Variants in SCHIP1 observed in about 807,000 individuals in gnomAD.
The protein encoded by SCHIP1 is schwannomin-interacting protein 1.
A neutral mutation model predicts 29.7 loss-of-function variants in SCHIP1; 8 were observed. That is an observed-to-expected ratio of 0.27 (90% CI 0.16 to 0.49). The LOEUF (loss-of-function observed/expected upper bound fraction) is 0.49, where lower values mean the gene tolerates loss of function less well. Ranked by LOEUF, SCHIP1 falls within the 20% of genes least tolerant of loss-of-function variation. The probability of loss-of-function intolerance (pLI) is 0.99; values close to 1 mark genes in which losing one functional copy is unlikely to be tolerated. For synonymous variants in SCHIP1, 76 were observed against 94.9 expected, an observed-to-expected ratio of 0.80 and a Z score of 1.16; for missense variants, 193 against 294.6, an observed-to-expected ratio of 0.66 and a Z score of 2.52.
At chr3:159,307,969 A>G in the SCHIP1 span, among the ~76,000 whole-genome samples, 1 of 152,100 alleles carries the variant, frequency 6.6e-6, no homozygotes, top group Non-Finnish European at 1.5e-5. Flanking sequence ...TGTTTTGGTT[A>G]CGGTGGCTTT....
At chr3:159,553,755 T>C in the SCHIP1 span, among the ~76,000 whole-genome samples, 7 of 152,056 alleles carry the variant, frequency 4.6e-5, no homozygotes, top group East Asian at 1.4e-3. Flanking sequence ...GGATTACAGG[T>C]GTGAGCCACT....
the SCHIP1 span, among the ~76,000 whole-genome samples, chr3:159,460,532 T>A: frequency 6.6e-6 from 1 of 152,136 alleles, no homozygotes. Flanking sequence ...GGAAGCAGCA[T>A]ATATGAGGGC....
At chr3:159,556,677 C>CA in the SCHIP1 span, among the ~76,000 whole-genome samples, 1 of 147,430 alleles carries the variant, frequency 6.8e-6, no homozygotes, top group African/African-American at 2.5e-5. Flanking sequence ...GACAAAAAAC[C>CA]AAACACCGCT....
chr3:159,392,339 T>C, the SCHIP1 span, among the ~76,000 whole-genome samples: 32 of 152,300 alleles, frequency 2.1e-4, no homozygotes, highest in African/African-American at 7.2e-4. Flanking sequence ...ACTTTAAGTT[T>C]TAGGGTACAT....
chr3:159,371,051 GTC>G, the SCHIP1 span, among the ~76,000 whole-genome samples: 1 of 49,938 alleles, frequency 2.0e-5, no homozygotes, highest in Non-Finnish European at 4.3e-5. Context: ...CTTGTTTATT[GTC>G]TGTCTTTCCT....
chr3:159,406,080 TC>T, the SCHIP1 span, among the ~76,000 whole-genome samples: 18 of 151,490 alleles, frequency 1.2e-4, no homozygotes, highest in South Asian at 3.8e-3. Context: ...ACAAACAACT[TC>T]CTAAACCTAG....
the SCHIP1 span, among the ~76,000 whole-genome samples, chr3:159,492,624 A>C: frequency 6.6e-6 from 1 of 152,232 alleles, no homozygotes; most frequent in Non-Finnish European, 1.5e-5. Context: ...ACTACGTCTA[A>C]TTGCTGTACC....
chr3:159,376,745 GATTCTGGTACTTGCCCAC>G, the SCHIP1 span, among the ~76,000 whole-genome samples: 4 of 152,148 alleles, frequency 2.6e-5, no homozygotes, highest in Non-Finnish European at 4.4e-5. Flanking sequence ...AGCACACTGT[GATTCTGGTACTTGCCCAC>G]CTCCTGGCCA....
At chr3:159,632,162 A>G in the SCHIP1 span, among the ~76,000 whole-genome samples, 1 of 152,168 alleles carries the variant, frequency 6.6e-6, no homozygotes, top group East Asian at 1.9e-4. Context: ...GGACTAGAAA[A>G]ATGTGGCTAT....
At chr3:159,534,073 C>A in the SCHIP1 span, among the ~76,000 whole-genome samples, 1 of 152,126 alleles carries the variant, frequency 6.6e-6, no homozygotes, top group Admixed American at 6.5e-5. Flanking sequence ...GGGTAAAAGA[C>A]AACTGGACAA....
the SCHIP1 span, among the ~76,000 whole-genome samples, chr3:159,431,263 C>T: frequency 9.9e-5 from 15 of 151,670 alleles, no homozygotes; most frequent in East Asian, 3.9e-4. Context: ...GAGAGGCCAT[C>T]GGAAGTGTCC....
the SCHIP1 span, among the ~76,000 whole-genome samples, chr3:159,519,484 A>T: frequency 6.6e-6 from 1 of 152,196 alleles, no homozygotes; most frequent in African/African-American, 2.4e-5. Context: ...AAAGATTCCA[A>T]TGTAAGAATT....
chr3:159,515,922 A>C, the SCHIP1 span, among the ~76,000 whole-genome samples: 1 of 151,998 alleles, frequency 6.6e-6, no homozygotes, highest in East Asian at 1.9e-4. Context: ...ATAAATGAGA[A>C]AAATACATAG....
chr3:159,547,400 C>T, the SCHIP1 span, among the ~76,000 whole-genome samples: 1 of 152,180 alleles, frequency 6.6e-6, no homozygotes, highest in Non-Finnish European at 1.5e-5. Flanking sequence ...TTTTGCTGTG[C>T]AGAAGCTCTT....
chr3:159,589,233 G>T, the SCHIP1 span, among the ~76,000 whole-genome samples: 8 of 152,074 alleles, frequency 5.3e-5, no homozygotes, highest in Admixed American at 1.3e-4. Context: ...AGCAATTGTG[G>T]ATGCGAGTTC....
chr3:159,406,627 C>T, the SCHIP1 span, among the ~76,000 whole-genome samples: 1 of 152,158 alleles, frequency 6.6e-6, no homozygotes, highest in African/African-American at 2.4e-5. Flanking sequence ...AAACTAAACA[C>T]ATCTTGAATA....
chr3:159,740,927 A>G, the SCHIP1 span, among the ~76,000 whole-genome samples: 2 of 152,080 alleles, frequency 1.3e-5, no homozygotes, highest in African/African-American at 4.8e-5. Context: ...CTCTGAGTGG[A>G]TTTATAAGTT....
At chr3:159,893,598 ATTTCT>A (rs1453829702) in intron 6 of SCHIP1, 4 of 152,036 alleles carry the variant, frequency 2.6e-5, no homozygotes, top group African/African-American at 9.7e-5. Flanking sequence ...TAGTATTGTC[ATTTCT>A]TTTTTGGCAA....
chr3:159,770,280 G>T, the SCHIP1 span, among the ~76,000 whole-genome samples: 5 of 151,974 alleles, frequency 3.3e-5, no homozygotes, highest in African/African-American at 1.2e-4. Flanking sequence ...TATTTTTGGG[G>T]TGAAGTTTTG....
Sources: allele counts gnomAD v4.1 joint callset (sites outside exome capture counted in the v4.1 genomes callset), GRCh38; gene constraint gnomAD v4.1.1; transcripts MANE v1.5; gene names NCBI Gene and HGNC (gene_info 2026-07-23, HGNC 2026-07-21).